MYOM3: variants seen among roughly 807,000 people sequenced by gnomAD.
The protein encoded by MYOM3 is myomesin 3.
Under a neutral mutation model 191.7 loss-of-function variants are expected in MYOM3, and 155 were observed. That is an observed-to-expected ratio of 0.81 (90% CI 0.71 to 0.92). The LOEUF is 0.92. Among genes scored for constraint, MYOM3 ranks in the 40% least tolerant of loss-of-function variants. MYOM3 has a pLI of 0.00. For synonymous variants in MYOM3, 757 were observed against 762.9 expected, an observed-to-expected ratio of 0.99 and a Z score of 0.13; for missense variants, 1,889 against 1,890.6, an observed-to-expected ratio of 1.00 and a Z score of 0.02.
chr1:24,092,421 T>A, intron 10 of MYOM3, 106 bp from the exon 11 acceptor site: 1 of 1,019,628 alleles, frequency 9.8e-7, no homozygotes, highest in Non-Finnish European at 1.3e-6. Flanking sequence ...CTCCAGGGGC[T>A]CAGTTTTGAT....
intron 23 of MYOM3, 76 bp downstream of exon 23, chr1:24,074,084 T>C: frequency 8.2e-7 from 1 of 1,216,808 alleles, no homozygotes; most frequent in Non-Finnish European, 1.2e-6. Context: ...TGGTTGCTTT[T>C]TGCTGACCTG....
intron 28 of MYOM3, chr1:24,066,239 A>T: frequency 2.8e-6 from 2 of 717,116 alleles, no homozygotes; most frequent in Non-Finnish European, 5.2e-6. Flanking sequence ...CTCCTCCAGG[A>T]AGCCTTTTTT....
chr1:24,059,332 G>A (rs1046367088), intron 35 of MYOM3, among the ~76,000 whole-genome samples: 1 of 152,118 alleles, frequency 6.6e-6, no homozygotes, highest in Non-Finnish European at 1.5e-5. Flanking sequence ...ACGGGGTTTC[G>A]CCATGTTGCC....
chr1:24,081,720 A>C, intron 18 of MYOM3: 1 of 581,884 alleles, frequency 1.7e-6, no homozygotes, highest in Non-Finnish European at 3.0e-6. Flanking sequence ...GTGCCACCAC[A>C]CTCAGCTAAT....
intron 25 of MYOM3, among the ~76,000 whole-genome samples, chr1:24,070,248 C>T (rs1268269201): frequency 6.6e-6 from 1 of 152,074 alleles, no homozygotes; most frequent in Admixed American, 6.6e-5. Flanking sequence ...AAATCAGAAG[C>T]TATTCTGTAC....
In MYOM3 at chr1:24,095,484, A is replaced by G. The variant is rs753706146; in HGVS notation, c.748T>C (p.Tyr250His). The change falls in exon 8 of 37, where the codon TAC becomes CAC. Residue 250 changes from tyrosine to histidine, a missense_variant and splice_region_variant. Physicochemically the swap from Tyr to His is moderately conservative, Grantham distance 83 (BLOSUM62 2). Coordinates refer to ENST00000374434, the MANE Select transcript of MYOM3 (RefSeq NM_152372.4). ...SSFAKVLVRT[Y>H]LGKDAGFDSE... ...TCGAAGCCAGCATCCTTCCCCAGGT[A>G]AGCTGAAAAACCAAAGGCAAACAGA... The G allele has an allele frequency of 1.2e-6, 2 of 1,612,914 alleles. No individual in the cohort carries two copies. Among genetic ancestry groups the G allele is most frequent in the South Asian group, 2.2e-5 (2 of 90,928 alleles).
chr1:24,063,352 G>T lies in MYOM3; in HGVS notation c.3662-118C>A. ...GGTGCTGTGGGGGAAATGCAGTGCT[G>T]TGAAGAGGCGGGATTTTCTCTTCGG... is the stretch of plus-strand genomic sequence containing the variant. On this transcript the variant is annotated intron_variant, in intron 31 of 36. Coordinates refer to ENST00000374434, the MANE Select transcript of MYOM3 (RefSeq NM_152372.4). The surrounding 1 kb of genome is among the most constrained non-coding windows in gnomAD (Gnocchi z 4.5). The T allele has an allele frequency of 7.3e-7, 1 of 1,369,762 alleles. No homozygotes were observed. The highest frequency in any genetic ancestry group is 1.0e-6 in the Non-Finnish European group (1 of 960,818). 84.9% of individuals were successfully genotyped at this position (1,369,762 alleles called of 1,614,324 possible).
At chr1:24,059,190 G>A (rs1238501853) in intron 35 of MYOM3, among the ~76,000 whole-genome samples, 1 of 152,118 alleles carries the variant, frequency 6.6e-6, no homozygotes, top group African/African-American at 2.4e-5. Context: ...GTGGAGTGCA[G>A]CAGCACGATC....
rs1167231705 is a variant in MYOM3, at chr1:24,076,614, C to T, written c.2587-341G>A. Among the ~76,000 whole-genome samples, 83 of 88,966 alleles carry T rather than the reference C, an allele frequency of 9.3e-4. 13 individuals carry two copies. Among genetic ancestry groups the T allele is most frequent in the African/African-American group, 3.2e-3 (81 of 25,706 alleles). 58.4% of individuals were successfully genotyped at this position (88,966 alleles called of 152,430 possible). Reference sequence around the variant, plus strand: ...TTGCAAGCTCCACCTCCCGGGTTCACGCCATTCTCCTGCCTCAGCCTCCCA... The same window carrying T: ...TTGCAAGCTCCACCTCCCGGGTTCATGCCATTCTCCTGCCTCAGCCTCCCA... On this transcript the variant is annotated intron_variant, in intron 20 of 36. Coordinates refer to ENST00000374434, the MANE Select transcript of MYOM3 (RefSeq NM_152372.4).
rs763883120 is a variant in MYOM3, at chr1:24,081,467, A to G, written c.2281-11T>C. ...ATGAAGGTCACTGACCTTTAAGAGCAGAAACACAAACTATGAGGCTGAGGC... is the reference window on the plus strand; with the variant it reads ...ATGAAGGTCACTGACCTTTAAGAGCGGAAACACAAACTATGAGGCTGAGGC... On this transcript the variant is annotated splice_polypyrimidine_tract_variant and intron_variant, in intron 18 of 36. Transcript: ENST00000374434. 4.1e-5 allele frequency: 66 copies of G among 1,613,092 alleles called. 1 individual carries two copies. In the Middle Eastern group the frequency reaches 8.3e-4, roughly 20 times the overall value.
chr1:24,108,152 A>C (rs1570891173), intron 2 of MYOM3, 79 bp from the exon 3 acceptor site: 1 of 1,359,248 alleles, frequency 7.4e-7, no homozygotes, highest in South Asian at 1.3e-5. Context: ...GCATCTGCCC[A>C]CCTCAGCCTC....
intron 35 of MYOM3, among the ~76,000 whole-genome samples, chr1:24,060,694 A>T (rs1643359728): frequency 6.6e-6 from 1 of 152,064 alleles, no homozygotes; most frequent in Non-Finnish European, 1.5e-5. Context: ...TTCATCCTGG[A>T]TTCGATGAGG....
intron 7 of MYOM3, among the ~76,000 whole-genome samples, chr1:24,096,357 G>A (rs1486757533): frequency 1.3e-5 from 2 of 152,234 alleles, no homozygotes; most frequent in Middle Eastern, 3.2e-3. Flanking sequence ...GGGTTGGCTG[G>A]AGTCTGGGGC....
In MYOM3 at chr1:24,092,927, G is replaced by A; in HGVS notation, c.1090+20C>T. On this transcript the variant is annotated intron_variant, in intron 10 of 36. Coordinates refer to ENST00000374434, the MANE Select transcript of MYOM3 (RefSeq NM_152372.4). ...GTCTCTGGGCTCCTGCTGCTACCCTGCGCCCACCCATGCCCTCACCTCTCA... is the reference window on the plus strand; with the variant it reads ...GTCTCTGGGCTCCTGCTGCTACCCTACGCCCACCCATGCCCTCACCTCTCA... The A allele has an allele frequency of 6.6e-7, 1 of 1,512,720 alleles. No individual in the cohort carries two copies. Among genetic ancestry groups the A allele is most frequent in the African/African-American group, 1.4e-5 (1 of 72,104 alleles). 93.7% of individuals were successfully genotyped at this position (1,512,720 alleles called of 1,614,324 possible). A position where few individuals can be genotyped will look rare whatever the true frequency, so the allele number is the denominator to read the frequency against.
intron 22 of MYOM3, among the ~76,000 whole-genome samples, chr1:24,074,549 T>A (rs1012421162): frequency 6.6e-6 from 1 of 152,208 alleles, no homozygotes; most frequent in African/African-American, 2.4e-5. Context: ...GCTTTATGCC[T>A]TCTGGACAGA....
chr1:24,107,623 C>T (rs1314325700), intron 3 of MYOM3, among the ~76,000 whole-genome samples: 5 of 152,180 alleles, frequency 3.3e-5, no homozygotes, highest in Admixed American at 1.3e-4. Context: ...CTCTCCACGC[C>T]GGCACACTCA....
intron 25 of MYOM3, 82 bp from the exon 26 acceptor site, chr1:24,068,449 G>C (rs1360650139): frequency 4.5e-6 from 7 of 1,541,376 alleles, no homozygotes; most frequent in Non-Finnish European, 6.2e-6. Flanking sequence ...AGTGGGCTTG[G>C]GGGTGGTAAG....
At chr1:24,107,280 T>C in intron 3 of MYOM3, 48 bp from the exon 4 acceptor site, 1 of 1,498,478 alleles carries the variant, frequency 6.7e-7, no homozygotes, top group Non-Finnish European at 9.0e-7. Context: ...GGGGGATGCC[T>C]GGGGCATCCT....
In MYOM3 at chr1:24,092,296, G is replaced by A. The variant is rs761228879; in HGVS notation, c.1110C>T (p.Pro370=). The A allele has an allele frequency of 1.9e-5, 26 of 1,358,658 alleles. No individual in the cohort carries two copies. Among genetic ancestry groups the A allele is most frequent in the African/African-American group, 3.0e-5 (2 of 66,704 alleles). 84.2% of individuals were successfully genotyped at this position (1,358,658 alleles called of 1,614,324 possible). Residue 370 remains proline, a synonymous_variant, in exon 11 of 37, where the codon CCC becomes CCT. Coordinates refer to ENST00000374434, the MANE Select transcript of MYOM3 (RefSeq NM_152372.4). ...CGTTCAGTGGGGAGCCTGGGGCCCC[G>A]GGGTTCTCGGCCTCGGCATCTGAAA... ...VLVRDAEAEN[P]GAPGSPLNVR...
Sources: gnomAD v4.1 joint callset for allele counts (sites outside exome capture counted in the v4.1 genomes callset) on GRCh38, gnomAD v4.1.1 for gene constraint, Gnocchi (gnomAD v3.1) non-coding constraint, MANE v1.5 for transcripts, NCBI Gene and HGNC (gene_info 2026-07-23, HGNC 2026-07-21) for gene names.